Variants in NUP210 observed in about 807,000 individuals in gnomAD.
NUP210 encodes the protein nucleoporin 210.
In NUP210, 151 loss-of-function variants were observed where a neutral mutation model predicts 196.0. That is an observed-to-expected ratio of 0.77 (90% CI 0.67 to 0.88). The LOEUF (loss-of-function observed/expected upper bound fraction) is 0.88. Ranked by LOEUF, NUP210 falls within the 40% of genes least tolerant of loss-of-function variation. NUP210 has a pLI of 0.00. For missense variants in NUP210, 2,314 were observed against 2,493.7 expected (o/e 0.93, Z 1.53); for synonymous variants, 1,070 against 1,052.7 (o/e 1.02, Z -0.32).
chr3:13,338,497 C>G (rs776161073), intron 25 of NUP210, among the ~76,000 whole-genome samples: 26 of 152,180 alleles, frequency 1.7e-4, no homozygotes, highest in Admixed American at 7.9e-4. Context: ...CAGGCTGAGC[C>G]CATCTTGAGG....
chr3:13,342,064 G>A lies in NUP210; in HGVS notation c.3024C>T (p.Pro1008=). ...YVRVLDLHKK[P]FLAKYFPFMD... ...TAAAGGGGAAGTATTTGGCAAGGAA[G>A]GGCTTCTTGTGCAAGTCCAGCACGC... Residue 1008 remains proline, a synonymous_variant, in exon 22 of 40, where the codon CCC becomes CCT. Coordinates refer to ENST00000254508, the MANE Select transcript of NUP210 (RefSeq NM_024923.4). The A allele has an allele frequency of 1.2e-6, 2 of 1,614,208 alleles. No homozygotes were observed. The highest frequency in any genetic ancestry group is 2.2e-5 in the East Asian group (1 of 44,884).
intron 4 of NUP210, among the ~76,000 whole-genome samples, chr3:13,388,790 G>A (rs952142079): frequency 4.6e-5 from 7 of 152,216 alleles, no homozygotes; most frequent in African/African-American, 1.4e-4. Context: ...AGTGAGGCCC[G>A]GGAGATGAGG....
At chr3:13,319,184 G>C (rs972434637) in intron 38 of NUP210, 29 bp from the exon 39 acceptor site, 4 of 1,611,618 alleles carry the variant, frequency 2.5e-6, no homozygotes, top group Non-Finnish European at 3.4e-6. Context: ...GGTTAGAGCA[G>C]GTCGGGGCAG....
At chr3:13,395,948 C>G (rs954443185) in intron 3 of NUP210, among the ~76,000 whole-genome samples, 1 of 152,188 alleles carries the variant, frequency 6.6e-6, no homozygotes, top group African/African-American at 2.4e-5. Context: ...CACGCAAGAC[C>G]GAACACTGTA....
intron 3 of NUP210, among the ~76,000 whole-genome samples, chr3:13,393,959 T>A (rs1333157706): frequency 6.6e-6 from 1 of 152,162 alleles, no homozygotes; most frequent in African/African-American, 2.4e-5. Flanking sequence ...GGCCCCAAAG[T>A]CCAGTGTCAG....
At chr3:13,407,238 A>G (rs1162443527) in intron 1 of NUP210, among the ~76,000 whole-genome samples, 2 of 152,194 alleles carry the variant, frequency 1.3e-5, no homozygotes, top group African/African-American at 4.8e-5. Flanking sequence ...TTCTGACCAC[A>G]AGAACTTTGC....
intron 25 of NUP210, among the ~76,000 whole-genome samples, chr3:13,338,897 C>T (rs1326364693): frequency 3.3e-5 from 5 of 152,170 alleles, no homozygotes; most frequent in African/African-American, 7.2e-5. Context: ...ATACGCAGGG[C>T]CCTGTGCCCC....
In NUP210 at chr3:13,319,294, A is replaced by G. The variant is rs777666252; in HGVS notation, c.5415T>C (p.Asp1805=). 1.2e-5 allele frequency: 20 copies of G among 1,612,638 alleles called. No individual in the cohort carries two copies. Among genetic ancestry groups the G allele is most frequent in the Non-Finnish European group, 1.6e-5 (19 of 1,179,350 alleles). Residue 1805 remains aspartate (D), a synonymous_variant, in exon 38 of 40, where the codon GAT becomes GAC. Coordinates refer to ENST00000254508, the MANE Select transcript of NUP210 (RefSeq NM_024923.4). ...GCGTGAAGAACATGACCTGGTAGGA[A>G]TCCAGGAAGTGCTGGAAGAGGCTGG... The part of the protein sequence containing the change: ...YGASLFQHFL[D]SYQVMFFTLF...
chr3:13,319,946 C>G lies in NUP210; in HGVS notation c.5200G>C (p.Ala1734Pro). The G allele has an allele frequency of 6.2e-7, 1 of 1,614,080 alleles. No homozygotes were observed. Among genetic ancestry groups the G allele is most frequent in the Non-Finnish European group, 8.5e-7 (1 of 1,180,046 alleles). ...GGCCACCCAAAAGACTTCTCCTTTGCGAATGCCAGCACGGCCGGGGACCCG... is the reference window on the plus strand; with the variant it reads ...GGCCACCCAAAAGACTTCTCCTTTGGGAATGCCAGCACGGCCGGGGACCCG... The part of the protein sequence containing the change: ...KSGSPAVLAF[A>P]KEKSFGWPSF... Residue 1734 changes from alanine to proline, a missense_variant, in exon 37 of 40, where the codon GCA becomes CCA. Ala to Pro is a conservative substitution (Grantham distance 27). Transcript: ENST00000254508.
Position 13,420,178 on chromosome 3 carries a change from A to G in NUP210, c.49T>C (p.Leu17=), listed in dbSNP as rs761280079. 8 of 1,243,340 alleles carry G rather than the reference A, an allele frequency of 6.4e-6. No individual in the cohort carries two copies. The highest frequency in any genetic ancestry group is 2.4e-5 in the South Asian group (1 of 41,352). The allele number at this position is 1,243,340 out of a possible 1,614,324, so 77.0% of individuals were successfully genotyped here. Residue 17 remains leucine (L), a synonymous_variant, in exon 1 of 40, where the codon TTG becomes CTG. Coordinates refer to ENST00000254508, the MANE Select transcript of NUP210 (RefSeq NM_024923.4). The surrounding 1 kb of genome is among the most constrained non-coding windows in gnomAD (Gnocchi z 4.8). ...GCAGCGGCGGAGGGGCCCGCCGCCA[A>G]CAGCACCGACAGCGTCAGCAGCAGC... is the stretch of plus-strand genomic sequence containing the variant. ...GLLLLTLSVL[L]AAGPSAAAAK...
rs375490643 is a variant in NUP210 at position 13,399,738 on chromosome 3, G to A, written c.291C>T (p.Phe97=). Residue 97 remains phenylalanine, a synonymous_variant, in exon 2 of 40, where the codon TTC becomes TTT. Transcript: ENST00000254508. The stretch of plus-strand genomic sequence containing the variant: ...CTCAGCCCTTACTGATGTCCTCTGC[G>A]AAGATGATGCTGGTGAGGCGGGCAG... The part of the protein sequence containing the change: ...TQPARLTSII[F]AEDITTGQVL... 71 of 1,613,998 alleles carry A rather than the reference G, an allele frequency of 4.4e-5. No individual in the cohort carries two copies. The highest frequency in any genetic ancestry group is 5.3e-5 in the Non-Finnish European group (62 of 1,180,006).
intron 34 of NUP210, among the ~76,000 whole-genome samples, chr3:13,322,917 G>A (rs756846673): frequency 6.6e-6 from 1 of 152,152 alleles, no homozygotes; most frequent in Non-Finnish European, 1.5e-5. Flanking sequence ...CAGGGGATGG[G>A]GTTCAACATT....
chr3:13,355,323 A>C (rs1698131642), intron 16 of NUP210, among the ~76,000 whole-genome samples: 1 of 152,100 alleles, frequency 6.6e-6, no homozygotes, highest in South Asian at 2.1e-4. Context: ...AAATGGGACT[A>C]GGGGGAAGCT....
chr3:13,412,486 G>A (rs1700209686), intron 1 of NUP210, among the ~76,000 whole-genome samples: 1 of 152,150 alleles, frequency 6.6e-6, no homozygotes, highest in African/African-American at 2.4e-5. Flanking sequence ...GGCAGAGGAG[G>A]GCTGATCACC....
chr3:13,376,559 A>G (rs1698918038), intron 9 of NUP210, 128 bp from the exon 10 acceptor site: 2 of 898,646 alleles, frequency 2.2e-6, no homozygotes, highest in South Asian at 3.2e-5. Flanking sequence ...GGGGCTCAGC[A>G]GCCTCCACTA....
chr3:13,353,682 C>T lies in NUP210; in HGVS notation c.2522-22G>A, dbSNP rs780359382. 28 of 1,603,532 alleles carry T rather than the reference C, an allele frequency of 1.7e-5. No individual in the cohort carries two copies. The South Asian group carries it at 3.1e-4, about 18-fold the overall frequency. ...AAACCTGAGACCAGGAAGAAGGAAGCCACCGTTGGATGTCTGCCCATCACC... is the reference window on the plus strand; with the variant it reads ...AAACCTGAGACCAGGAAGAAGGAAGTCACCGTTGGATGTCTGCCCATCACC... On this transcript the variant is annotated intron_variant, in intron 17 of 39. Coordinates refer to ENST00000254508, the MANE Select transcript of NUP210 (RefSeq NM_024923.4).
At chr3:13,358,519 C>A (rs754026659) in intron 15 of NUP210, 124 bp from the exon 16 acceptor site, 2 of 922,164 alleles carry the variant, frequency 2.2e-6, no homozygotes, top group Non-Finnish European at 3.2e-6. Context: ...GGAGTGATGA[C>A]GATACCCATG....
At chr3:13,418,195 G>T (rs1026496996) in intron 1 of NUP210, among the ~76,000 whole-genome samples, 3 of 152,208 alleles carry the variant, frequency 2.0e-5, no homozygotes, top group Non-Finnish European at 2.9e-5. Context: ...TCAGCCTCTG[G>T]CATCAGGCCA....
At position 13,317,827 on chromosome 3, in the gene NUP210, C is replaced by T. The variant is rs73813537; in HGVS notation, c.5564-46G>A. 2.6e-3 allele frequency: 3,528 copies of T among 1,346,462 alleles called. 65 individuals carry two copies. In the African/African-American group the frequency reaches 0.045, roughly 17 times the overall value. The allele number at this position is 1,346,462 out of a possible 1,614,324, so 83.4% of individuals were successfully genotyped here. A position where few individuals can be genotyped will look rare whatever the true frequency, so the allele number is the denominator to read the frequency against. On this transcript the variant is annotated intron_variant, in intron 39 of 39. Transcript: ENST00000254508. ...ATGTTAGCAGCAGAGCCAGGGAAAGCGGCGCACTCTTCAGTTACAGCCAGC... is the reference window on the plus strand; with the variant it reads ...ATGTTAGCAGCAGAGCCAGGGAAAGTGGCGCACTCTTCAGTTACAGCCAGC...
Sources: gnomAD v4.1 joint callset for allele counts (sites outside exome capture counted in the v4.1 genomes callset) on GRCh38, gnomAD v4.1.1 for gene constraint, Gnocchi (gnomAD v3.1) non-coding constraint, MANE v1.5 for transcripts, NCBI Gene and HGNC (gene_info 2026-07-23, HGNC 2026-07-21) for gene names.